Variants in YIPF7 observed in about 807,000 individuals in gnomAD.
The protein encoded by YIPF7 is Yip1 domain family member 7.
Under a neutral mutation model 27.2 loss-of-function variants are expected in YIPF7, and 35 were observed. That is an observed-to-expected ratio of 1.29 (90% confidence interval 0.98 to 1.70). The LOEUF (loss-of-function observed/expected upper bound fraction) is 1.70. Among genes scored for constraint, YIPF7 ranks in the 40% most tolerant of loss-of-function variants. The pLI, the probability that YIPF7 is intolerant of heterozygous loss-of-function variation, is 0.00. For synonymous variants in YIPF7, 137 were observed against 110.4 expected (o/e 1.24, Z -1.51); for missense variants, 358 against 303.7 (o/e 1.18, Z -1.33).
intron 4 of YIPF7, among the ~76,000 whole-genome samples, chr4:44,625,054 T>C (rs1712588087): frequency 6.6e-6 from 1 of 152,190 alleles, no homozygotes; most frequent in Non-Finnish European, 1.5e-5. Flanking sequence ...TTACTCTAAA[T>C]TGTCCATTAC....
chr4:44,659,685 A>C (rs1713989494), intron 2 of YIPF7, among the ~76,000 whole-genome samples: 1 of 152,204 alleles, frequency 6.6e-6, no homozygotes, highest in African/African-American at 2.4e-5. Flanking sequence ...AGTTTATTTT[A>C]GTATATATTG....
rs762754642 is a variant in YIPF7, at chr4:44,632,692, G to A, written c.281-3144C>T. On this transcript the variant is annotated intron_variant, in intron 3 of 5. Transcript: ENST00000415895. ...AAAACTAGTAAATGTTATTTAATGC[G>A]TTATCCTAGAAATTGTATTTTTTTT... Among the ~76,000 whole-genome samples, 11 of 152,082 alleles carry A rather than the reference G, an allele frequency of 7.2e-5. No individual in the cohort carries two copies. The East Asian group carries it at 1.5e-3, about 21-fold the overall frequency.
chr4:44,641,745 A>T (rs552889093), intron 2 of YIPF7, among the ~76,000 whole-genome samples: 1 of 152,348 alleles, frequency 6.6e-6, no homozygotes, highest in South Asian at 2.1e-4. Context: ...GAGGGGGGAG[A>T]TATACACTTA....
intron 2 of YIPF7, among the ~76,000 whole-genome samples, chr4:44,659,407 C>T (rs923534977): frequency 6.6e-6 from 1 of 151,772 alleles, no homozygotes; most frequent in African/African-American, 2.4e-5. Context: ...AATGATAGTG[C>T]TGACAATTGG....
chr4:44,647,372 C>T (rs1279002866), intron 2 of YIPF7, among the ~76,000 whole-genome samples: 1 of 152,050 alleles, frequency 6.6e-6, no homozygotes, highest in African/African-American at 2.4e-5. Context: ...TTAATTTAAT[C>T]TGAAAATATC....
intron 4 of YIPF7, among the ~76,000 whole-genome samples, chr4:44,626,781 T>C (rs1712660286): frequency 8.1e-6 from 1 of 123,974 alleles, no homozygotes; most frequent in African/African-American, 3.0e-5. Flanking sequence ...TTTTTTTTTT[T>C]TTTTTTTTTT....
rs143977747 is a variant in YIPF7 at position 44,647,103 on chromosome 4, T to G, written c.116+2882A>C. 4.6e-3 allele frequency among the ~76,000 whole-genome samples: 699 copies of G among 152,318 alleles called. 2 individuals are homozygous for G. The highest frequency in any genetic ancestry group is 0.011 in the South Asian group (53 of 4,826). ...TGCACAGTGTGAATCGGAATTTAAATGTTGCTGCATCCAAATCAGGACTTA... is the reference window on the plus strand; with the variant it reads ...TGCACAGTGTGAATCGGAATTTAAAGGTTGCTGCATCCAAATCAGGACTTA... On this transcript the variant is annotated intron_variant, in intron 2 of 5. Transcript: ENST00000415895.
chr4:44,636,852 A>G (rs985841337), intron 2 of YIPF7, among the ~76,000 whole-genome samples: 1 of 152,028 alleles, frequency 6.6e-6, no homozygotes, highest in African/African-American at 2.4e-5. Context: ...GGTATCCAAA[A>G]CCCAAATAAC....
intron 3 of YIPF7, among the ~76,000 whole-genome samples, chr4:44,633,244 A>G (rs1027782737): frequency 2.6e-5 from 4 of 152,136 alleles, no homozygotes; most frequent in Non-Finnish European, 5.9e-5. Flanking sequence ...CTAATACACT[A>G]TGTATTTTGG....
At chr4:44,645,438 C>T (rs1204937334) in intron 2 of YIPF7, among the ~76,000 whole-genome samples, 7 of 152,074 alleles carry the variant, frequency 4.6e-5, no homozygotes, top group African/African-American at 1.7e-4. Flanking sequence ...AGCCTATAGT[C>T]CTTGACGATT....
At chr4:44,659,725 C>A (rs1370255824) in intron 2 of YIPF7, among the ~76,000 whole-genome samples, 1 of 152,030 alleles carries the variant, frequency 6.6e-6, no homozygotes, top group Non-Finnish European at 1.5e-5. Context: ...GGTAACTAAG[C>A]ATTAAAAAGC....
At chr4:44,661,621 T>G (rs374772099) in intron 1 of YIPF7, among the ~76,000 whole-genome samples, 11 of 152,230 alleles carry the variant, frequency 7.2e-5, no homozygotes, top group African/African-American at 2.7e-4. Flanking sequence ...CACATGTCTC[T>G]TTATGTCATC....
chr4:44,649,972 A>G lies in YIPF7; in HGVS notation c.116+13T>C. The G allele has an allele frequency of 7.4e-7, 1 of 1,356,270 alleles. No individual in the cohort carries two copies. Among genetic ancestry groups the G allele is most frequent in the Non-Finnish European group, 1.0e-6 (1 of 991,830 alleles). 84.0% of individuals were successfully genotyped at this position (1,356,270 alleles called of 1,614,324 possible). On this transcript the variant is annotated intron_variant, in intron 2 of 5. Transcript: ENST00000415895. ...CTGTCAAAAAAAAAAAAAGAAAAAT[A>G]TTAAGTACTTACTTTCTAGATCCAT...
intron 2 of YIPF7, among the ~76,000 whole-genome samples, chr4:44,647,205 C>T (rs1336959195): frequency 6.6e-6 from 1 of 152,090 alleles, no homozygotes; most frequent in Non-Finnish European, 1.5e-5. Flanking sequence ...CCTCATCTGG[C>T]TACATTAATT....
intron 3 of YIPF7, among the ~76,000 whole-genome samples, chr4:44,630,949 A>G (rs747790843): frequency 1.3e-5 from 2 of 152,196 alleles, no homozygotes; most frequent in African/African-American, 4.8e-5. Context: ...TAATTTCAGA[A>G]TATCAGTAAG....
chr4:44,639,206 G>GT (rs1213110089), intron 2 of YIPF7, among the ~76,000 whole-genome samples: 3 of 151,942 alleles, frequency 2.0e-5, no homozygotes, highest in African/African-American at 7.3e-5. Context: ...TTTTAGGATA[G>GT]TTTTTTTCTA....
chr4:44,632,539 A>G (rs908700133), intron 3 of YIPF7, among the ~76,000 whole-genome samples: 9 of 152,218 alleles, frequency 5.9e-5, no homozygotes, highest in African/African-American at 2.2e-4. Context: ...TTCTTACATA[A>G]AACCAAACAA....
intron 1 of YIPF7, 106 bp from the exon 2 acceptor site, chr4:44,650,207 A>C (rs552520217): frequency 1.4e-6 from 1 of 728,870 alleles, no homozygotes; most frequent in East Asian, 2.7e-5. Flanking sequence ...AATTCCTATC[A>C]GAAAAAAAGA....
intron 2 of YIPF7, among the ~76,000 whole-genome samples, chr4:44,649,466 A>G (rs1713647135): frequency 6.6e-6 from 1 of 152,170 alleles, no homozygotes. Context: ...TAATATTAAG[A>G]CTTCTTAAAA....
Sources: allele counts gnomAD v4.1 joint callset (sites outside exome capture counted in the v4.1 genomes callset), GRCh38; gene constraint gnomAD v4.1.1; transcripts MANE v1.5; gene names NCBI Gene and HGNC (gene_info 2026-07-23, HGNC 2026-07-21).